The following CERS3 variants were observed in gnomAD, a reference collection of about 807,000 sequenced individuals.
CERS3 encodes the protein ceramide synthase 3.
In CERS3, 33 loss-of-function variants were observed where a neutral mutation model predicts 50.3. The ratio of observed to expected loss-of-function variants is 0.66; its 90% CI spans 0.50 to 0.88. CERS3 has a LOEUF of 0.88. Among genes scored for constraint, CERS3 ranks in the 40% least tolerant of loss-of-function variants. The pLI, the probability that CERS3 is intolerant of heterozygous loss-of-function variation, is 0.00. For missense variants in CERS3, 470 were observed against 460.3 expected (o/e 1.02, Z -0.19); for synonymous variants, 176 against 155.2 (o/e 1.13, Z -0.99).
rs563484179 is a variant in CERS3 at position 100,444,746 on chromosome 15, T to G, written c.999+11147A>C. On this transcript the variant is annotated intron_variant, in intron 11 of 11. Coordinates refer to ENST00000679737, the MANE Select transcript of CERS3 (RefSeq NM_001378789.1). The stretch of plus-strand genomic sequence containing the variant: ...CAAATTAGCTTTACTCAACATGCCC[T>G]GAGTCAGGAAACTAAAATACCTCTT... 2.0e-5 allele frequency among the ~76,000 whole-genome samples: 3 copies of G among 152,286 alleles called. No homozygotes were observed. In the South Asian group the frequency reaches 6.2e-4, roughly 32 times the overall value.
chr15:100,452,333 C>A (rs1350244042), intron 11 of CERS3, among the ~76,000 whole-genome samples: 1 of 152,054 alleles, frequency 6.6e-6, no homozygotes, highest in Non-Finnish European at 1.5e-5. Flanking sequence ...ACTTTGAAAA[C>A]TGTATGAATA....
chr15:100,463,567 G>A (rs1345315389), intron 10 of CERS3, among the ~76,000 whole-genome samples: 2 of 151,836 alleles, frequency 1.3e-5, no homozygotes, highest in East Asian at 1.9e-4. Flanking sequence ...GCTGTTCTTC[G>A]TGAACTCAAA....
chr15:100,536,589 T>C (rs1265407604), intron 1 of CERS3, among the ~76,000 whole-genome samples: 2 of 152,312 alleles, frequency 1.3e-5, no homozygotes, highest in East Asian at 3.9e-4. Context: ...CTGGCCTAAG[T>C]TGTGGATTTT....
intron 11 of CERS3, among the ~76,000 whole-genome samples, chr15:100,445,268 A>C (rs1462648226): frequency 8.0e-6 from 1 of 125,092 alleles, no homozygotes; most frequent in Non-Finnish European, 1.7e-5. Context: ...TCGTACTCCT[A>C]TTCACCATTC....
chr15:100,426,665 A>G (rs2142105834), intron 11 of CERS3, among the ~76,000 whole-genome samples: 1 of 152,344 alleles, frequency 6.6e-6, no homozygotes, highest in African/African-American at 2.4e-5. Context: ...CATTAATTGA[A>G]TACTGTATAA....
At chr15:100,457,956 A>G (rs1053003608) in intron 10 of CERS3, among the ~76,000 whole-genome samples, 1 of 152,200 alleles carries the variant, frequency 6.6e-6, no homozygotes, top group Non-Finnish European at 1.5e-5. Flanking sequence ...TCTTTCATAA[A>G]CTGAAATTAT....
intron 1 of CERS3, among the ~76,000 whole-genome samples, chr15:100,535,226 C>G (rs923484081): frequency 6.6e-6 from 1 of 152,174 alleles, no homozygotes; most frequent in African/African-American, 2.4e-5. Context: ...TACTTTGTAA[C>G]AGACTTTATT....
At chr15:100,490,641 C>A (rs2035622278) in intron 4 of CERS3, 176 bp downstream of exon 4, 3 of 533,238 alleles carry the variant, frequency 5.6e-6, no homozygotes, top group Non-Finnish European at 9.9e-6. Context: ...TCATATGTAT[C>A]ACACTTGGGA....
intron 10 of CERS3, among the ~76,000 whole-genome samples, chr15:100,468,988 C>A (rs1012429002): frequency 6.6e-6 from 1 of 152,208 alleles, no homozygotes; most frequent in African/African-American, 2.4e-5. Context: ...CAGTGTCTGG[C>A]ATTCAAGTAA....
chr15:100,515,534 A>G (rs1385324313), intron 2 of CERS3, among the ~76,000 whole-genome samples: 1 of 152,220 alleles, frequency 6.6e-6, no homozygotes, highest in Non-Finnish European at 1.5e-5. Flanking sequence ...CCAGGGAGGT[A>G]AGTGAGGCAG....
At chr15:100,432,792 C>T (rs1371646287) in intron 11 of CERS3, among the ~76,000 whole-genome samples, 1 of 152,064 alleles carries the variant, frequency 6.6e-6, no homozygotes, top group East Asian at 1.9e-4. Flanking sequence ...ATGTATTTAG[C>T]CTGCAGAAAC....
At chr15:100,404,552 A>G (rs952951408) in intron 11 of CERS3, among the ~76,000 whole-genome samples, 1 of 152,188 alleles carries the variant, frequency 6.6e-6, no homozygotes, top group Non-Finnish European at 1.5e-5. Context: ...ATTATCCCCA[A>G]ATTATCCTGT....
intron 7 of CERS3, among the ~76,000 whole-genome samples, chr15:100,477,024 T>C (rs2035148560): frequency 6.6e-6 from 1 of 152,188 alleles, no homozygotes; most frequent in Non-Finnish European, 1.5e-5. Flanking sequence ...ACTTGAGCCA[T>C]TCCCTAGCCG....
intron 11 of CERS3, among the ~76,000 whole-genome samples, chr15:100,429,557 C>T (rs1367400163): frequency 6.6e-6 from 1 of 152,138 alleles, no homozygotes; most frequent in Non-Finnish European, 1.5e-5. Context: ...CTGATCTCTG[C>T]CTCCCTGGAG....
At chr15:100,483,787 A>ATTTTTTATTTT (rs1555530340) in intron 5 of CERS3, among the ~76,000 whole-genome samples, 1 of 100,040 alleles carries the variant, frequency 1.0e-5, no homozygotes, top group East Asian at 3.2e-4. Context: ...TATTATTATT[A>ATTTTTTATTTT]TTTTTTTTTT....
intron 4 of CERS3, among the ~76,000 whole-genome samples, chr15:100,487,294 AAAT>A (rs1232939712): frequency 6.6e-6 from 1 of 152,248 alleles, no homozygotes; most frequent in African/African-American, 2.4e-5. Flanking sequence ...TTAATGGTAC[AAAT>A]AATAATAGCT....
intron 11 of CERS3, among the ~76,000 whole-genome samples, chr15:100,422,132 T>C (rs1341265398): frequency 2.4e-5 from 2 of 84,504 alleles, no homozygotes; most frequent in African/African-American, 4.3e-5. Context: ...GAAACTACCA[T>C]CAGAGTGAAC....
chr15:100,401,489 G>A lies in CERS3; in HGVS notation c.*1224C>T, dbSNP rs2030529982. On this transcript the variant is annotated 3_prime_UTR_variant, in exon 12 of 12. Transcript: ENST00000679737. Reference sequence around the variant, plus strand: ...CTGCCCGTCCCTATCCCTCCTCCCAGGGAGCTGGCACTGACTCTAGCACCT... The same window carrying A: ...CTGCCCGTCCCTATCCCTCCTCCCAAGGAGCTGGCACTGACTCTAGCACCT... The A allele has an allele frequency of 6.6e-6, 1 of 152,386 alleles. No individual in the cohort carries two copies. The highest frequency in any genetic ancestry group is 2.4e-5 in the African/African-American group (1 of 41,462). 9.4% of individuals were successfully genotyped at this position (152,386 alleles called of 1,614,324 possible). A position where few individuals can be genotyped will look rare whatever the true frequency, so the allele number is the denominator to read the frequency against.
intron 3 of CERS3, among the ~76,000 whole-genome samples, chr15:100,498,320 C>T (rs918114188): frequency 6.6e-6 from 1 of 151,942 alleles, no homozygotes; most frequent in Admixed American, 6.6e-5. Context: ...AATATAAAGT[C>T]ACTTAATTAA....
Sources: allele counts gnomAD v4.1 joint callset (sites outside exome capture counted in the v4.1 genomes callset), GRCh38; gene constraint gnomAD v4.1.1; transcripts MANE v1.5; gene names NCBI Gene and HGNC (gene_info 2026-07-23, HGNC 2026-07-21).